PAX9: variants seen among roughly 807,000 people sequenced by gnomAD.
PAX9 encodes the protein paired box 9.
A neutral mutation model predicts 29.1 loss-of-function variants in PAX9; 6 were observed. The ratio of observed to expected loss-of-function variants is 0.21; its 90% CI spans 0.11 to 0.41. PAX9 has a LOEUF of 0.41. PAX9 is among the 10% of genes least tolerant of loss of function. PAX9 has a pLI of 1.00. For synonymous variants in PAX9, 217 were observed against 211.7 expected, an observed-to-expected ratio of 1.03 and a Z score of -0.22; for missense variants, 443 against 479.1, an observed-to-expected ratio of 0.92 and a Z score of 0.70.
At position 36,662,064 on chromosome 14, in the gene PAX9, G is replaced by A. The variant is rs1489682683; in HGVS notation, c.-26G>A. ...TTCTGTCTGGGAGTGCGGAACTGGG[G>A]CCGGGTTGGTGTACTGCTCGGAGCA... is the stretch of plus-strand genomic sequence containing the variant. On this transcript the variant is annotated 5_prime_UTR_variant, in exon 1 of 4. Coordinates refer to ENST00000361487, the MANE Select transcript of PAX9 (RefSeq NM_001372076.1). 3.2e-6 allele frequency: 5 copies of A among 1,561,750 alleles called. No individual in the cohort carries two copies. The highest frequency in any genetic ancestry group is 3.5e-6 in the Non-Finnish European group (4 of 1,154,044).
In PAX9 at chr14:36,663,239, A is replaced by C. The variant is rs915914943; in HGVS notation, c.347A>C (p.Asn116Thr). The change falls in exon 2 of 4, where the codon AAT becomes ACT. Residue 116 changes from asparagine (N) to threonine (T), a missense_variant. Transcript: ENST00000361487. ...GCGGACGGCGTGTGCGACAAGTACA[A>C]TGTGCCCTCCGTGAGCTCCATCAGC... The part of the protein sequence containing the change: ...LLADGVCDKY[N>T]VPSVSSISRI... The C allele has an allele frequency of 3.1e-6, 5 of 1,613,962 alleles. No homozygotes were observed. The highest frequency in any genetic ancestry group is 2.2e-5 in the East Asian group (1 of 44,860).
intron 3 of PAX9, among the ~76,000 whole-genome samples, chr14:36,669,113 T>C (rs1881614652): frequency 6.6e-6 from 1 of 152,190 alleles, no homozygotes; most frequent in Non-Finnish European, 1.5e-5. Context: ...TATAAATTAG[T>C]GGCTACTCTA....
Position 36,677,650 on chromosome 14 carries a change from A to AT in PAX9, c.*1198_*1199insT, listed in dbSNP as rs1881960008. On this transcript the variant is annotated 3_prime_UTR_variant, in exon 4 of 4. Transcript: ENST00000361487. ...GAAAATGGAAAATTCTGCTCTAATGAATGTAACAATGGCTTGCTGTGAAGT... is the reference window on the plus strand; with the variant it reads ...GAAAATGGAAAATTCTGCTCTAATGATATGTAACAATGGCTTGCTGTGAAGT... 6.6e-6 allele frequency: 1 copy of AT among 152,220 alleles called. No individual in the cohort carries two copies. Among genetic ancestry groups the AT allele is most frequent in the Non-Finnish European group, 1.5e-5 (1 of 68,030 alleles). 9.4% of individuals were successfully genotyped at this position (152,220 alleles called of 1,614,324 possible).
At chr14:36,658,845 G>T (rs1004935250), upstream of PAX9, 8 of 152,352 alleles carry the variant, frequency 5.3e-5, no homozygotes, top group African/African-American at 1.7e-4. Context: ...CGATGCTGGG[G>T]TCTAAAGCTT....
upstream of PAX9, among the ~76,000 whole-genome samples, chr14:36,659,601 G>T (rs1344930670): frequency 6.6e-6 from 1 of 152,202 alleles, no homozygotes; most frequent in Non-Finnish European, 1.5e-5. Context: ...CATGAGTGGG[G>T]CCTGCGGGGA....
upstream of PAX9, among the ~76,000 whole-genome samples, chr14:36,659,002 T>C (rs1881151897): frequency 6.6e-6 from 1 of 152,176 alleles, no homozygotes; most frequent in Admixed American, 6.5e-5. Context: ...TCGGCCCGGC[T>C]TCCAGTCTCC....
chr14:36,674,910 CATTT>C (rs988684530), intron 3 of PAX9, among the ~76,000 whole-genome samples: 4 of 152,186 alleles, frequency 2.6e-5, no homozygotes, highest in African/African-American at 9.7e-5. Context: ...TGTACATATT[CATTT>C]ACTCTGCATT....
At position 36,679,067 on chromosome 14, in the gene PAX9, GAGGTTAA is replaced by G. The variant is rs1882055741; in HGVS notation, c.*2621_*2627del. The G allele has an allele frequency of 1.0e-6, 1 of 985,388 alleles. No homozygotes were observed. Among genetic ancestry groups the G allele is most frequent in the Non-Finnish European group, 1.2e-6 (1 of 829,930 alleles). 61.0% of individuals were successfully genotyped at this position (985,388 alleles called of 1,614,324 possible). ...TCCTTTTCTATCTGATCCACATGGA[GAGGTTAA>G]AGGTTCAATTTCATGACCTCTATGC... is the stretch of plus-strand genomic sequence containing the variant. On this transcript the variant is annotated 3_prime_UTR_variant, in exon 4 of 4. Coordinates refer to ENST00000361487, the MANE Select transcript of PAX9 (RefSeq NM_001372076.1).
chr14:36,662,146 G>A, intron 1 of PAX9, 53 bp downstream of exon 1: 2 of 1,437,858 alleles, frequency 1.4e-6, no homozygotes, highest in Non-Finnish European at 1.9e-6. Context: ...GAGGGAGCGA[G>A]CGGGCAAGGG....
chr14:36,669,989 C>T (rs1594471900), intron 3 of PAX9, among the ~76,000 whole-genome samples: 1 of 151,950 alleles, frequency 6.6e-6, no homozygotes, highest in Admixed American at 6.5e-5. Flanking sequence ...CTGTTGAAAG[C>T]ATAAAACTCC....
At chr14:36,670,626 T>G (rs962165964) in intron 3 of PAX9, among the ~76,000 whole-genome samples, 5 of 152,006 alleles carry the variant, frequency 3.3e-5, no homozygotes, top group Non-Finnish European at 7.4e-5. Context: ...GCCAGCAGAG[T>G]GTCTTTGAAA....
At chr14:36,675,286 G>T (rs1156579375) in intron 3 of PAX9, among the ~76,000 whole-genome samples, 1 of 152,144 alleles carries the variant, frequency 6.6e-6, no homozygotes, top group East Asian at 1.9e-4. Context: ...AAAAATCAGG[G>T]TGTTTTTAGT....
intron 2 of PAX9, chr14:36,666,057 T>C (rs758356644): frequency 2.5e-5 from 5 of 196,186 alleles, no homozygotes; most frequent in Admixed American, 5.3e-5. Context: ...TGCCAAATTG[T>C]TGTCAACCCC....
At chr14:36,664,597 T>G (rs550915531) in intron 2 of PAX9, among the ~76,000 whole-genome samples, 291 of 150,898 alleles carry the variant, frequency 1.9e-3, no homozygotes, top group African/African-American at 6.7e-3. Flanking sequence ...AGGCGTTAAC[T>G]TTTTTCTTGG....
At chr14:36,661,812 T>A (rs1881278837), upstream of PAX9, 1 of 541,584 alleles carries the variant, frequency 1.8e-6, no homozygotes, top group South Asian at 2.2e-5. Flanking sequence ...CCGCCCCTTT[T>A]AGGGCGTGTC....
chr14:36,663,036 C>T lies in PAX9; in HGVS notation c.144C>T (p.Val48=). The T allele has an allele frequency of 1.2e-6, 2 of 1,613,858 alleles. No homozygotes were observed. The highest frequency in any genetic ancestry group is 1.1e-5 in the South Asian group (1 of 91,088). Reference sequence around the variant, plus strand: ...GTGACATCAGCCGCCAGCTACGGGTCTCGCACGGCTGCGTCAGCAAGATCC... The same window carrying T: ...GTGACATCAGCCGCCAGCTACGGGTTTCGCACGGCTGCGTCAGCAAGATCC... ...RPCDISRQLR[V]SHGCVSKILA... is the part of the protein sequence containing the mutation. The change falls in exon 2 of 4, where the codon GTC becomes GTT. Residue 48 remains valine (V), a synonymous_variant. Coordinates refer to ENST00000361487, the MANE Select transcript of PAX9 (RefSeq NM_001372076.1).
rs1881341880 is a variant in PAX9 at position 36,663,032 on chromosome 14, G to A, written c.140G>A (p.Arg47Gln). ...IRPCDISRQL[R>Q]VSHGCVSKIL... ...CCGTGTGACATCAGCCGCCAGCTAC[G>A]GGTCTCGCACGGCTGCGTCAGCAAG... Residue 47 changes from arginine to glutamine, a missense_variant, in exon 2 of 4, where the codon CGG becomes CAG. Transcript: ENST00000361487. 2 of 1,613,712 alleles carry A rather than the reference G, an allele frequency of 1.2e-6. No homozygotes were observed. The highest frequency in any genetic ancestry group is 2.2e-5 in the East Asian group (1 of 44,858).
At chr14:36,661,721 A>T, upstream of PAX9, 1 of 379,010 alleles carries the variant, frequency 2.6e-6, no homozygotes, top group South Asian at 4.4e-5. Context: ...AGCTAGCCTG[A>T]AAGAGACAGC....
At chr14:36,659,068 C>T (rs1283278962), upstream of PAX9, among the ~76,000 whole-genome samples, 6 of 152,240 alleles carry the variant, frequency 3.9e-5, no homozygotes, top group African/African-American at 7.2e-5. Flanking sequence ...GGCCTCGACG[C>T]GGCTAGGGAA....
Sources: allele counts gnomAD v4.1 joint callset (sites outside exome capture counted in the v4.1 genomes callset), GRCh38; gene constraint gnomAD v4.1.1; transcripts MANE v1.5; gene names NCBI Gene and HGNC (gene_info 2026-07-23, HGNC 2026-07-21).